The following DLGAP2 variants were observed in gnomAD, a reference collection of about 807,000 sequenced individuals.
The protein encoded by DLGAP2 is disks large-associated protein 2.
Under a neutral mutation model 100.3 loss-of-function variants are expected in DLGAP2, and 26 were observed. That is an observed-to-expected ratio of 0.26 (90% CI 0.19 to 0.36). The LOEUF (loss-of-function observed/expected upper bound fraction) is 0.36. Ranked by LOEUF, DLGAP2 falls within the 10% of genes least tolerant of loss-of-function variation. DLGAP2 has a pLI of 1.00. For missense variants in DLGAP2, 1,858 were observed against 1,453.2 expected (o/e 1.28, Z -4.53); for synonymous variants, 886 against 630.1 (o/e 1.41, Z -6.08).
intron 4 of DLGAP2, among the ~76,000 whole-genome samples, chr8:1,546,162 G>C (rs891280614): frequency 2.0e-5 from 3 of 152,152 alleles, no homozygotes; most frequent in Non-Finnish European, 4.4e-5. Flanking sequence ...AAAGGAAGAC[G>C]CCGCCGGCCA....
intron 2 of DLGAP2, among the ~76,000 whole-genome samples, chr8:1,236,160 C>T (rs1168493903): frequency 1.0e-5 from 1 of 100,154 alleles, no homozygotes; most frequent in African/African-American, 4.2e-5. Context: ...TCACACATAG[C>T]GTCTTGTCTA....
At chr8:984,981 C>G (rs1008190922) in intron 2 of DLGAP2, among the ~76,000 whole-genome samples, 1 of 152,188 alleles carries the variant, frequency 6.6e-6, no homozygotes, top group Non-Finnish European at 1.5e-5. Context: ...AAATGCTAAG[C>G]TTAAACAGAA....
In DLGAP2 at chr8:1,330,800, G is replaced by A. The variant is rs903016894; in HGVS notation, c.106+71917G>A. ...GTTCTGGGTGGGAGCACTGCTTCAC[G>A]GGGACCGAGTTCTGGGTGGGACTGA... On this transcript the variant is annotated intron_variant, in intron 3 of 14. Transcript: ENST00000637795. Among the ~76,000 whole-genome samples, 23 of 135,922 alleles carry A rather than the reference G, an allele frequency of 1.7e-4. 2 individuals carry two copies. Among genetic ancestry groups the A allele is most frequent in the Admixed American group, 4.4e-4 (6 of 13,754 alleles). 89.2% of individuals were successfully genotyped at this position (135,922 alleles called of 152,430 possible). A position where few individuals can be genotyped will look rare whatever the true frequency, so the allele number is the denominator to read the frequency against.
At chr8:1,661,056 A>G (rs1212925364) in intron 8 of DLGAP2, among the ~76,000 whole-genome samples, 3 of 152,220 alleles carry the variant, frequency 2.0e-5, no homozygotes, top group Non-Finnish European at 2.9e-5. Context: ...GCTAGGGGAC[A>G]AATCCATGTA....
At chr8:762,981 GT>G (rs1395501732) in intron 1 of DLGAP2, among the ~76,000 whole-genome samples, 2 of 152,040 alleles carry the variant, frequency 1.3e-5, no homozygotes, top group Non-Finnish European at 1.5e-5. Flanking sequence ...CCAGCTGACG[GT>G]TTTATTTAAA....
At position 1,334,986 on chromosome 8, in the gene DLGAP2, G is replaced by A. The variant is rs537887135; in HGVS notation, c.106+76103G>A. ...CCAGCCCTCGCAGGCACTTCCAGCA[G>A]GCCTTAAAAACACAGAAATCTTATA... On this transcript the variant is annotated intron_variant, in intron 3 of 14. Transcript: ENST00000637795. 2.0e-5 allele frequency among the ~76,000 whole-genome samples: 3 copies of A among 152,300 alleles called. No individual in the cohort carries two copies. The East Asian group carries it at 5.8e-4, about 29-fold the overall frequency.
chr8:1,119,742 T>A (rs1028230761), intron 2 of DLGAP2, among the ~76,000 whole-genome samples: 3 of 152,240 alleles, frequency 2.0e-5, no homozygotes, highest in Non-Finnish European at 2.9e-5. Context: ...ATGGGGAATT[T>A]CACCTTGAAG....
At chr8:1,363,928 C>T (rs552607278) in intron 3 of DLGAP2, among the ~76,000 whole-genome samples, 1 of 152,300 alleles carries the variant, frequency 6.6e-6, no homozygotes, top group South Asian at 2.1e-4. Context: ...CCCTCCCTGA[C>T]AGTGACAGCC....
chr8:1,565,075 C>T (rs560198848), intron 5 of DLGAP2, among the ~76,000 whole-genome samples: 147 of 152,304 alleles, frequency 9.7e-4, no homozygotes, highest in African/African-American at 3.4e-3. Context: ...AGATATATAA[C>T]ATGAGCGGGT....
At chr8:1,287,529 G>C (rs1799961111) in intron 3 of DLGAP2, among the ~76,000 whole-genome samples, 1 of 22,174 alleles carries the variant, frequency 4.5e-5, no homozygotes, top group South Asian at 1.3e-3. Context: ...TTTTGGTTCA[G>C]TGTGTGTGTG....
intron 3 of DLGAP2, among the ~76,000 whole-genome samples, chr8:1,418,167 A>G (rs1351716544): frequency 6.6e-6 from 1 of 152,126 alleles, no homozygotes. Context: ...CTTCCGAACC[A>G]TTTTCAAAGA....
At chr8:1,423,138 G>C (rs546348345) in intron 3 of DLGAP2, among the ~76,000 whole-genome samples, 9 of 152,304 alleles carry the variant, frequency 5.9e-5, no homozygotes, top group African/African-American at 2.2e-4. Context: ...AATAATGAAT[G>C]AACCACAACA....
chr8:1,250,562 A>G (rs1310910199), intron 2 of DLGAP2: 1 of 152,182 alleles, frequency 6.6e-6, no homozygotes, highest in Non-Finnish European at 1.5e-5. Flanking sequence ...TCACATGAGG[A>G]TCCTGAGCAG....
chr8:1,460,709 C>A (rs150890692), intron 3 of DLGAP2, among the ~76,000 whole-genome samples: 1 of 152,132 alleles, frequency 6.6e-6, no homozygotes, highest in Non-Finnish European at 1.5e-5. Context: ...AGAGATAACT[C>A]ATAATTTGTT....
chr8:1,310,142 C>T (rs1425361516), intron 3 of DLGAP2, among the ~76,000 whole-genome samples: 1 of 150,954 alleles, frequency 6.6e-6, no homozygotes, highest in East Asian at 1.9e-4. Context: ...ATGTTTAATC[C>T]TAATATTATA....
chr8:1,275,867 TATATAATATATAAATAA>T (rs1232753282), intron 3 of DLGAP2, among the ~76,000 whole-genome samples: 10 of 102,478 alleles, frequency 9.8e-5, no homozygotes, highest in African/African-American at 3.8e-4. Flanking sequence ...TATATAAATA[TATATAATATATAAATAA>T]ATATATAATA....
chr8:1,462,653 G>A (rs556718933), intron 3 of DLGAP2, among the ~76,000 whole-genome samples: 1 of 152,338 alleles, frequency 6.6e-6, no homozygotes, highest in East Asian at 1.9e-4. Context: ...TCATCCTGCA[G>A]TAGCTCAGCC....
At chr8:1,538,992 T>A (rs567052495) in intron 4 of DLGAP2, among the ~76,000 whole-genome samples, 7 of 151,812 alleles carry the variant, frequency 4.6e-5, no homozygotes, top group Non-Finnish European at 7.4e-5. Context: ...CTTCAGTGGT[T>A]CTCATGGCTC....
intron 1 of DLGAP2, among the ~76,000 whole-genome samples, chr8:815,225 T>G (rs760938308): frequency 6.6e-6 from 1 of 152,218 alleles, no homozygotes; most frequent in Non-Finnish European, 1.5e-5. Context: ...GCTTGGGGTC[T>G]GGTGAGGGCT....
Sources: gnomAD v4.1 joint callset for allele counts (sites outside exome capture counted in the v4.1 genomes callset) on GRCh38, gnomAD v4.1.1 for gene constraint, MANE v1.5 for transcripts, NCBI Gene and HGNC (gene_info 2026-07-23, HGNC 2026-07-21) for gene names.